Variants in WWOX observed in about 807,000 individuals in gnomAD.
WWOX encodes WW domain-containing oxidoreductase.
WWOX carries 69 observed loss-of-function variants against 46.2 expected under a neutral mutation model. The observed-to-expected ratio is 1.49, with a 90% confidence interval of 1.23 to 1.82. The LOEUF (loss-of-function observed/expected upper bound fraction) is 1.82. Among genes scored for constraint, WWOX ranks in the 40% most tolerant of loss-of-function variants. WWOX has a pLI of 0.00. For synonymous variants in WWOX, 359 were observed against 202.6 expected (o/e 1.77, Z -6.56); for missense variants, 919 against 542.6 (o/e 1.69, Z -6.89).
At chr16:79,074,694 A>G (rs897535425) in intron 8 of WWOX, among the ~76,000 whole-genome samples, 1 of 151,980 alleles carries the variant, frequency 6.6e-6, no homozygotes, top group Middle Eastern at 3.2e-3. Context: ...GTTGATCAGC[A>G]TATGTTATTT....
At chr16:78,724,551 C>G (rs949736125) in intron 8 of WWOX, among the ~76,000 whole-genome samples, 4 of 152,068 alleles carry the variant, frequency 2.6e-5, no homozygotes, top group African/African-American at 4.8e-5. Context: ...TATTTACAGT[C>G]CTTATGTTAT....
chr16:79,050,423 A>G (rs1597325367), intron 8 of WWOX, among the ~76,000 whole-genome samples: 1 of 152,324 alleles, frequency 6.6e-6, no homozygotes, highest in East Asian at 1.9e-4. Flanking sequence ...GAAATGCAAG[A>G]CAGCAACTCA....
chr16:78,710,747 T>C (rs2048427965), intron 8 of WWOX, among the ~76,000 whole-genome samples: 1 of 151,200 alleles, frequency 6.6e-6, no homozygotes, highest in Non-Finnish European at 1.5e-5. Flanking sequence ...CCTGAGTGGC[T>C]GGGACCGCAG....
intron 8 of WWOX, among the ~76,000 whole-genome samples, chr16:78,911,190 T>C (rs907950520): frequency 6.6e-6 from 1 of 151,894 alleles, no homozygotes; most frequent in Non-Finnish European, 1.5e-5. Flanking sequence ...CAGCCCACTT[T>C]CCAGTTATCA....
intron 8 of WWOX, among the ~76,000 whole-genome samples, chr16:78,510,799 C>A (rs2085342654): frequency 2.0e-5 from 3 of 152,312 alleles, no homozygotes; most frequent in African/African-American, 4.8e-5. Context: ...GTTTGTTAAA[C>A]ATTTACCACA....
chr16:78,101,657 T>G (rs1422056202), intron 1 of WWOX, among the ~76,000 whole-genome samples: 1 of 152,100 alleles, frequency 6.6e-6, no homozygotes, highest in Non-Finnish European at 1.5e-5. Flanking sequence ...CCCTCCCCTC[T>G]CCCTTGGTAG....
At chr16:78,276,224 A>C (rs1407085548) in intron 5 of WWOX, among the ~76,000 whole-genome samples, 3 of 152,150 alleles carry the variant, frequency 2.0e-5, no homozygotes, top group Non-Finnish European at 4.4e-5. Flanking sequence ...TACTCTCACC[A>C]GCTCTTAGAC....
At chr16:78,285,711 C>T (rs745483400) in intron 5 of WWOX, among the ~76,000 whole-genome samples, 2 of 152,092 alleles carry the variant, frequency 1.3e-5, no homozygotes, top group African/African-American at 2.4e-5. Flanking sequence ...AAACAGTAAT[C>T]GGCCCATATG....
chr16:78,222,002 A>G (rs2036904424), intron 5 of WWOX, among the ~76,000 whole-genome samples: 1 of 152,190 alleles, frequency 6.6e-6, no homozygotes, highest in Non-Finnish European at 1.5e-5. Context: ...CTGGAACTTA[A>G]AACTTCTGCC....
chr16:78,921,430 G>A (rs546958450), intron 8 of WWOX, among the ~76,000 whole-genome samples: 1 of 152,170 alleles, frequency 6.6e-6, no homozygotes, highest in Non-Finnish European at 1.5e-5. Flanking sequence ...GAATCCTGAA[G>A]CATTTGAGCT....
chr16:79,170,867 A>C (rs536809858), intron 8 of WWOX, among the ~76,000 whole-genome samples: 7 of 152,270 alleles, frequency 4.6e-5, no homozygotes, highest in African/African-American at 1.7e-4. Context: ...ATTCTTCATC[A>C]ACTTTGGCCA....
At chr16:78,144,482 TATATAC>T (rs1450851863) in intron 4 of WWOX, among the ~76,000 whole-genome samples, 529 of 28,264 alleles carry the variant, frequency 0.019, 13 homozygotes, top group Non-Finnish European at 0.027. Flanking sequence ...TATATATATA[TATATAC>T]ACACACACAC....
intron 8 of WWOX, among the ~76,000 whole-genome samples, chr16:78,548,979 G>A (rs1184880274): frequency 1.3e-5 from 2 of 152,194 alleles, no homozygotes; most frequent in African/African-American, 4.8e-5. Flanking sequence ...CCAACAGATG[G>A]ATGGGTTGGT....
intron 8 of WWOX, chr16:78,756,995 G>A (rs1567539614): frequency 1.4e-6 from 1 of 702,820 alleles, no homozygotes; most frequent in African/African-American, 1.7e-5. Context: ...TAGAAGAACT[G>A]AGCCTCCTGC....
chr16:79,189,891 A>C (rs916579821), intron 8 of WWOX, among the ~76,000 whole-genome samples: 5 of 135,190 alleles, frequency 3.7e-5, no homozygotes, highest in Non-Finnish European at 7.7e-5. Flanking sequence ...CAGTGGTTTC[A>C]TATTCTACCT....
chr16:78,620,020 C>G (rs1392890713), intron 8 of WWOX, among the ~76,000 whole-genome samples: 2 of 152,158 alleles, frequency 1.3e-5, no homozygotes, highest in Non-Finnish European at 2.9e-5. Flanking sequence ...GAAAATGAGA[C>G]TAATCTCTAA....
At chr16:78,393,494 A>G (rs11150073) in intron 6 of WWOX, among the ~76,000 whole-genome samples, 80,413 of 152,010 alleles carry the variant, frequency 0.53, 23,059 homozygotes, top group Non-Finnish European at 0.67. Context: ...CGCTGTCTCT[A>G]TATTACAAAA....
chr16:78,667,667 TCTC>T (rs1177748819), intron 8 of WWOX, among the ~76,000 whole-genome samples: 64 of 94,462 alleles, frequency 6.8e-4, no homozygotes, highest in African/African-American at 3.5e-3. Flanking sequence ...TGAGACTCCG[TCTC>T]AAAAAAAAAA....
chr16:79,070,348 C>G (rs555307835), intron 8 of WWOX, among the ~76,000 whole-genome samples: 2 of 151,252 alleles, frequency 1.3e-5, no homozygotes, highest in South Asian at 4.2e-4. Flanking sequence ...GCTGAGATTA[C>G]TGTTGAGAAG....
Sources: gnomAD v4.1 joint callset for allele counts (sites outside exome capture counted in the v4.1 genomes callset) on GRCh38, gnomAD v4.1.1 for gene constraint, MANE v1.5 for transcripts, NCBI Gene and HGNC (gene_info 2026-07-23, HGNC 2026-07-21) for gene names.